GULP1: variants seen among roughly 807,000 people sequenced by gnomAD.
The protein encoded by GULP1 is GULP PTB domain containing engulfment adaptor 1, also known as PTB domain-containing engulfment adapter protein 1.
In GULP1, 19 loss-of-function variants were observed where a neutral mutation model predicts 40.9. The observed-to-expected ratio is 0.46, with a 90% CI of 0.32 to 0.68. The LOEUF (loss-of-function observed/expected upper bound fraction) is 0.68, where lower values mean the gene tolerates loss of function less well. Ranked by LOEUF, GULP1 falls within the 30% of genes least tolerant of loss-of-function variation. The probability of loss-of-function intolerance (pLI) is 0.03; values close to 1 mark genes in which losing one functional copy is unlikely to be tolerated. For synonymous variants in GULP1, 119 were observed against 117.6 expected (o/e 1.01, Z -0.08); for missense variants, 312 against 362.2 (o/e 0.86, Z 1.12).
At chr2:188,548,854 TTTTG>T (rs1349074385) in intron 7 of GULP1, among the ~76,000 whole-genome samples, 2 of 151,218 alleles carry the variant, frequency 1.3e-5, no homozygotes, top group African/African-American at 4.9e-5. Context: ...TTTTGTTTTG[TTTTG>T]TTTTATTTTG....
At chr2:188,340,407 AC>A (rs2042803494) in intron 1 of GULP1, among the ~76,000 whole-genome samples, 1 of 151,920 alleles carries the variant, frequency 6.6e-6, no homozygotes, top group Non-Finnish European at 1.5e-5. Flanking sequence ...ATAGCTCTCT[AC>A]CCCTCGCGGG....
chr2:188,509,347 G>T (rs1340590752), intron 4 of GULP1, among the ~76,000 whole-genome samples: 2 of 152,102 alleles, frequency 1.3e-5, no homozygotes, highest in Non-Finnish European at 1.5e-5. Flanking sequence ...ACAGGATCCA[G>T]CCTTCTTTGC....
intron 7 of GULP1, among the ~76,000 whole-genome samples, chr2:188,559,672 G>A (rs1000950431): frequency 6.6e-6 from 1 of 152,134 alleles, no homozygotes; most frequent in Non-Finnish European, 1.5e-5. Context: ...GGGGACTGTT[G>A]GAAAGGCATG....
At chr2:188,561,581 TG>T (rs2153412243) in intron 7 of GULP1, among the ~76,000 whole-genome samples, 1 of 152,270 alleles carries the variant, frequency 6.6e-6, no homozygotes, top group African/African-American at 2.4e-5. Flanking sequence ...GGCTAAGTCC[TG>T]GGGTCTGTGC....
At chr2:188,534,199 C>T (rs545759427) in intron 6 of GULP1, among the ~76,000 whole-genome samples, 1 of 152,254 alleles carries the variant, frequency 6.6e-6, no homozygotes, top group East Asian at 1.9e-4. Context: ...ATTTTCATCG[C>T]AGCACTTTTC....
intron 3 of GULP1, among the ~76,000 whole-genome samples, chr2:188,477,991 G>A (rs951221630): frequency 6.6e-6 from 1 of 152,070 alleles, no homozygotes; most frequent in African/African-American, 2.4e-5. Context: ...AGCTTGTTGT[G>A]AAATTGCAAA....
At chr2:188,390,994 G>C (rs765668611) in intron 2 of GULP1, among the ~76,000 whole-genome samples, 2 of 152,016 alleles carry the variant, frequency 1.3e-5, no homozygotes, top group Non-Finnish European at 2.9e-5. Context: ...TTTTATGCCA[G>C]TACCATGCTG....
At chr2:188,439,923 G>A (rs564920993) in intron 2 of GULP1, among the ~76,000 whole-genome samples, 3 of 152,166 alleles carry the variant, frequency 2.0e-5, no homozygotes, top group Non-Finnish European at 4.4e-5. Context: ...CAATAGAAAA[G>A]GGAAATCATT....
intron 2 of GULP1, among the ~76,000 whole-genome samples, chr2:188,471,331 CTT>C (rs1238373277): frequency 2.7e-5 from 4 of 150,220 alleles, no homozygotes; most frequent in African/African-American, 7.3e-5. Flanking sequence ...TAGTCTATGT[CTT>C]TTGATTGGAG....
At chr2:188,336,163 GT>G (rs755876059) in intron 1 of GULP1, among the ~76,000 whole-genome samples, 3 of 152,150 alleles carry the variant, frequency 2.0e-5, no homozygotes, top group Non-Finnish European at 2.9e-5. Context: ...TAAAACGCAT[GT>G]TTTTTCCCTA....
intron 1 of GULP1, among the ~76,000 whole-genome samples, chr2:188,338,370 C>T (rs1430117031): frequency 4.0e-5 from 6 of 151,492 alleles, no homozygotes. Context: ...TCTCCATCTC[C>T]CAGGGCTCAC....
intron 1 of GULP1, among the ~76,000 whole-genome samples, chr2:188,325,274 TG>T (rs1161709888): frequency 7.2e-5 from 11 of 152,098 alleles, no homozygotes; most frequent in Non-Finnish European, 1.6e-4. Context: ...TAACAGTACT[TG>T]ATGAACTCCT....
At chr2:188,355,123 C>A (rs1574665308) in intron 1 of GULP1, among the ~76,000 whole-genome samples, 1 of 151,828 alleles carries the variant, frequency 6.6e-6, no homozygotes, top group South Asian at 2.1e-4. Flanking sequence ...CCTAATGATG[C>A]AACTCAAGAA....
intron 1 of GULP1, among the ~76,000 whole-genome samples, chr2:188,329,448 G>T (rs1482175092): frequency 6.6e-6 from 1 of 152,072 alleles, no homozygotes; most frequent in Admixed American, 6.6e-5. Flanking sequence ...GGAGGTGTGT[G>T]GGGGAAAGAA....
rs79083764 is a variant in GULP1, at chr2:188,497,418, T to C, written c.90+13926T>C. On this transcript the variant is annotated intron_variant, in intron 4 of 11. Coordinates refer to ENST00000409830, the MANE Select transcript of GULP1 (RefSeq NM_016315.4). ...CAGTGTGTTTCTATGACCACCAATA[T>C]AAAATGGAAATATTTTTAGATAAAG... 2.7e-3 allele frequency among the ~76,000 whole-genome samples: 404 copies of C among 152,114 alleles called. 9 individuals carry two copies. In the East Asian group the frequency reaches 0.042, roughly 16 times the overall value.
At chr2:188,540,076 C>T (rs1010308359) in intron 6 of GULP1, among the ~76,000 whole-genome samples, 2 of 152,040 alleles carry the variant, frequency 1.3e-5, no homozygotes, top group African/African-American at 4.8e-5. Flanking sequence ...GTAGTTGCTT[C>T]CATCTCCAAT....
At chr2:188,575,264 C>T (rs926736003) in intron 9 of GULP1, among the ~76,000 whole-genome samples, 1 of 152,000 alleles carries the variant, frequency 6.6e-6, no homozygotes, top group African/African-American at 2.4e-5. Context: ...TCTCACTTGT[C>T]TATTGTATAC....
rs540109768 is a variant in GULP1 at position 188,449,236 on chromosome 2, A to G, written c.-44-28423A>G. On this transcript the variant is annotated intron_variant, in intron 2 of 11. Coordinates refer to ENST00000409830, the MANE Select transcript of GULP1 (RefSeq NM_016315.4). ...AGAAAATCAGAATGTTTATCTTTCA[A>G]AAATATGTTAGTCCTATAGTAATTC... Among the ~76,000 whole-genome samples the G allele has an allele frequency of 6.6e-5, 10 of 152,334 alleles. No individual in the cohort carries two copies. In the South Asian group the frequency reaches 1.9e-3, roughly 28 times the overall value.
At chr2:188,570,251 G>T in intron 9 of GULP1, 131 bp downstream of exon 9, 2 of 550,470 alleles carry the variant, frequency 3.6e-6, no homozygotes, top group Non-Finnish European at 6.5e-6. Context: ...AGAGATGAAG[G>T]CTGCTAAGCA....
Sources: gnomAD v4.1 joint callset for allele counts (sites outside exome capture counted in the v4.1 genomes callset) on GRCh38, gnomAD v4.1.1 for gene constraint, MANE v1.5 for transcripts, NCBI Gene and HGNC (gene_info 2026-07-23, HGNC 2026-07-21) for gene names.